Variants in TYW1 observed in about 807,000 individuals in gnomAD.
TYW1 encodes the protein tRNA-yW synthesizing protein 1 homolog, also known as S-adenosyl-L-methionine-dependent tRNA 4-demethylwyosine synthase TYW1.
In TYW1, 46 loss-of-function variants were observed where a neutral mutation model predicts 96.2. That is an observed-to-expected ratio of 0.48 (90% CI 0.38 to 0.61). The LOEUF (loss-of-function observed/expected upper bound fraction) is 0.61, where lower values mean the gene tolerates loss of function less well. Ranked by LOEUF, TYW1 falls within the 20% of genes least tolerant of loss-of-function variation. The pLI is 0.00. For synonymous variants in TYW1, 274 were observed against 323.0 expected (o/e 0.85, Z 1.63); for missense variants, 684 against 909.6 (o/e 0.75, Z 3.19).
chr7:67,116,324 C>CAAA (rs58820405), intron 12 of TYW1, among the ~76,000 whole-genome samples: 1 of 112,598 alleles, frequency 8.9e-6, no homozygotes, highest in Non-Finnish European at 1.9e-5. Flanking sequence ...GAATCCATCT[C>CAAA]AAAAAAAAAA....
At chr7:67,077,332 A>T (rs1020952233) in intron 10 of TYW1, among the ~76,000 whole-genome samples, 8 of 152,226 alleles carry the variant, frequency 5.3e-5, no homozygotes, top group African/African-American at 1.9e-4. Context: ...ATTGTTTTCC[A>T]TAATGACTGT....
chr7:67,138,216 CTCCTGGTT>C (rs1563034232), intron 13 of TYW1, among the ~76,000 whole-genome samples: 1 of 152,104 alleles, frequency 6.6e-6, no homozygotes, highest in Non-Finnish European at 1.5e-5. Flanking sequence ...ACTGGTAGTC[CTCCTGGTT>C]TCTCTGCTTC....
At chr7:67,043,322 C>T (rs1349840306) in intron 7 of TYW1, among the ~76,000 whole-genome samples, 1 of 146,944 alleles carries the variant, frequency 6.8e-6, no homozygotes, top group African/African-American at 2.5e-5. Flanking sequence ...TTCTCTTTCT[C>T]TTATGTTGTG....
At chr7:66,997,944 A>G (rs1485089839) in intron 1 of TYW1, 121 bp from the exon 2 acceptor site, 1 of 1,330,042 alleles carries the variant, frequency 7.5e-7, no homozygotes, top group Non-Finnish European at 1.0e-6. Context: ...TTGATTTTTA[A>G]ATTAGATTTC....
At chr7:67,049,785 G>C (rs138737829) in intron 7 of TYW1, among the ~76,000 whole-genome samples, 164 bp from the exon 8 acceptor site, 2 of 152,154 alleles carry the variant, frequency 1.3e-5, no homozygotes, top group Admixed American at 1.3e-4. Context: ...GACCTCAGGT[G>C]ATCCGCCTGC....
At chr7:67,003,405 T>A (rs1239058058) in intron 3 of TYW1, among the ~76,000 whole-genome samples, 8 of 151,686 alleles carry the variant, frequency 5.3e-5, no homozygotes, top group Non-Finnish European at 1.2e-4. Flanking sequence ...ACTCCCCTGG[T>A]CCATGCCATT....
At chr7:67,095,024 G>A (rs1047241599) in intron 11 of TYW1, among the ~76,000 whole-genome samples, 1 of 151,212 alleles carries the variant, frequency 6.6e-6, no homozygotes, top group African/African-American at 2.4e-5. Context: ...TTCCAGACAG[G>A]GTCTTGTCCT....
intron 7 of TYW1, among the ~76,000 whole-genome samples, chr7:67,030,064 A>C (rs1178557738): frequency 2.0e-5 from 3 of 152,198 alleles, no homozygotes; most frequent in Non-Finnish European, 4.4e-5. Context: ...ATCCAGGCAC[A>C]TCAGTGTGTT....
chr7:67,036,033 A>T (rs1178686095), intron 7 of TYW1, among the ~76,000 whole-genome samples: 1 of 140,688 alleles, frequency 7.1e-6, no homozygotes, highest in Non-Finnish European at 1.6e-5. Flanking sequence ...AATGGTTTTG[A>T]TATTTCCTTT....
chr7:67,074,535 A>G (rs545851199), intron 10 of TYW1, among the ~76,000 whole-genome samples: 2 of 152,332 alleles, frequency 1.3e-5, no homozygotes, highest in South Asian at 4.1e-4. Context: ...GATCTAAGTA[A>G]ATGGAGATAT....
chr7:67,206,152 G>A (rs1202888071), intron 15 of TYW1, among the ~76,000 whole-genome samples: 1 of 152,144 alleles, frequency 6.6e-6, no homozygotes, highest in Non-Finnish European at 1.5e-5. Context: ...ATTATTTCCA[G>A]GTGAACTCAT....
Position 67,144,398 on chromosome 7 carries a change from C to T in TYW1, c.1698+26780C>T, listed in dbSNP as rs182177491. Among the ~76,000 whole-genome samples, 389 of 152,364 alleles carry T rather than the reference C, an allele frequency of 2.6e-3. 4 individuals are homozygous for T. Among genetic ancestry groups the T allele is most frequent in the Admixed American group, 0.024 (360 of 15,304 alleles). On this transcript the variant is annotated intron_variant, in intron 13 of 15. Coordinates refer to ENST00000359626, the MANE Select transcript of TYW1 (RefSeq NM_018264.4). ...ATTGTCTGAAGAGTATATGAACAGA[C>T]ATCTCTTCCAAATACAGGCGTACCC...
At chr7:67,138,626 C>T (rs35169185) in intron 13 of TYW1, among the ~76,000 whole-genome samples, 38,522 of 151,662 alleles carry the variant, frequency 0.25, 4,910 homozygotes, top group Admixed American at 0.33. Context: ...CCCAACACCC[C>T]CACTACCCTT....
intron 7 of TYW1, among the ~76,000 whole-genome samples, chr7:67,037,203 C>T (rs563752149): frequency 6.6e-6 from 1 of 152,192 alleles, no homozygotes; most frequent in East Asian, 1.9e-4. Flanking sequence ...GAAGGGCTCA[C>T]CATGAGTAAC....
chr7:67,022,491 T>C (rs926952107), intron 6 of TYW1, among the ~76,000 whole-genome samples: 2 of 152,194 alleles, frequency 1.3e-5, no homozygotes, highest in African/African-American at 4.8e-5. Flanking sequence ...GGTAGGAGCA[T>C]AGGGCACATG....
chr7:67,194,378 AC>A (rs1412419945), intron 14 of TYW1, among the ~76,000 whole-genome samples: 1 of 151,000 alleles, frequency 6.6e-6, no homozygotes, highest in Non-Finnish European at 1.5e-5. Context: ...TGATCCCAGC[AC>A]CTTGGGAGGC....
chr7:67,061,435 C>T (rs1056998815), intron 9 of TYW1, among the ~76,000 whole-genome samples: 1 of 152,030 alleles, frequency 6.6e-6, no homozygotes, highest in Non-Finnish European at 1.5e-5. Flanking sequence ...CTTTTTCTTC[C>T]CACATTGATC....
chr7:67,067,481 C>G, intron 10 of TYW1, 78 bp downstream of exon 10: 11 of 1,507,990 alleles, frequency 7.3e-6, no homozygotes, highest in Non-Finnish European at 9.2e-6. Flanking sequence ...CACACTCAGA[C>G]TTACCTAAGA....
At chr7:67,111,398 A>G (rs2115936709) in intron 12 of TYW1, among the ~76,000 whole-genome samples, 1 of 152,214 alleles carries the variant, frequency 6.6e-6, no homozygotes, top group Non-Finnish European at 1.5e-5. Context: ...ACAGGGTTTC[A>G]CCTTGTTGGC....
Sources: allele counts gnomAD v4.1 joint callset (sites outside exome capture counted in the v4.1 genomes callset), GRCh38; gene constraint gnomAD v4.1.1; transcripts MANE v1.5; gene names NCBI Gene and HGNC (gene_info 2026-07-23, HGNC 2026-07-21).